The following SPATA9 variants were observed in gnomAD, a reference collection of about 807,000 sequenced individuals.
The protein encoded by SPATA9 is spermatogenesis associated 9.
In SPATA9, 27 loss-of-function variants were observed where a neutral mutation model predicts 25.5. That is an observed-to-expected ratio of 1.06 (90% CI 0.78 to 1.46). The LOEUF (loss-of-function observed/expected upper bound fraction) is 1.46. Among genes scored for constraint, SPATA9 ranks in the 40% most tolerant of loss-of-function variants. SPATA9 has a pLI of 0.00. For missense variants in SPATA9, 282 were observed against 297.5 expected, an observed-to-expected ratio of 0.95 and a Z score of 0.38; for synonymous variants, 102 against 105.7, an observed-to-expected ratio of 0.97 and a Z score of 0.21.
chr5:95,729,224 G>A, the SPATA9 span, among the ~76,000 whole-genome samples: 3 of 151,942 alleles, frequency 2.0e-5, no homozygotes, highest in Non-Finnish European at 4.4e-5. Flanking sequence ...TGAATTCTTC[G>A]CTGGAGGTCC....
At chr5:95,655,211 T>G (rs1477044952), downstream of SPATA9, 1 of 152,256 alleles carries the variant, frequency 6.6e-6, no homozygotes, top group Non-Finnish European at 1.5e-5. Flanking sequence ...GAATCTTTGC[T>G]GACAGTTTTA....
At chr5:95,720,814 G>A in the SPATA9 span, among the ~76,000 whole-genome samples, 3 of 152,164 alleles carry the variant, frequency 2.0e-5, no homozygotes, top group African/African-American at 7.2e-5. Context: ...AATATGACAA[G>A]CATTCTAGTA....
At position 95,682,810 on chromosome 5, in the gene SPATA9, C is replaced by A. The variant is rs752365649; in HGVS notation, c.45G>T (p.Lys15Asn). 1.4e-5 allele frequency: 21 copies of A among 1,549,134 alleles called. 1 individual carries two copies. In the Middle Eastern group the frequency reaches 1.0e-3, roughly 77 times the overall value. ...PVGWICGQVL[K>N]NFSGRIEGIQ... ...TGTGTATACTTCTTCCAGAAAAGTTCTTCAACACCTGCCCACATATCCACC... is the reference window on the plus strand; with the variant it reads ...TGTGTATACTTCTTCCAGAAAAGTTATTCAACACCTGCCCACATATCCACC... Residue 15 changes from lysine (K) to asparagine (N), a missense_variant, in exon 1 of 5, where the codon AAG becomes AAT. Coordinates refer to ENST00000274432, the MANE Select transcript of SPATA9 (RefSeq NM_031952.4).
At chr5:95,730,615 G>C in the SPATA9 span, among the ~76,000 whole-genome samples, 1 of 152,100 alleles carries the variant, frequency 6.6e-6, no homozygotes, top group Non-Finnish European at 1.5e-5. Context: ...AAGTAAACTG[G>C]CATTTAACTT....
At chr5:95,687,633 T>C (rs1561418186), upstream of SPATA9, among the ~76,000 whole-genome samples, 1 of 152,182 alleles carries the variant, frequency 6.6e-6, no homozygotes, top group Non-Finnish European at 1.5e-5. Context: ...GTACCATTAA[T>C]AAGGAGCAGG....
intron 2 of SPATA9, among the ~76,000 whole-genome samples, chr5:95,678,595 G>A (rs536963823): frequency 5.9e-5 from 9 of 152,032 alleles, no homozygotes; most frequent in Non-Finnish European, 1.0e-4. Context: ...TGGGTGGCGC[G>A]GGGGAGGGGA....
At chr5:95,687,816 A>G (rs1753785500), upstream of SPATA9, among the ~76,000 whole-genome samples, 1 of 152,226 alleles carries the variant, frequency 6.6e-6, no homozygotes, top group Admixed American at 6.5e-5. Context: ...TTCCCCTATC[A>G]GATTATAAGT....
chr5:95,678,331 T>A (rs1003014323), intron 2 of SPATA9, among the ~76,000 whole-genome samples: 4 of 152,154 alleles, frequency 2.6e-5, no homozygotes, highest in Non-Finnish European at 5.9e-5. Context: ...GAGTGGAGAT[T>A]GCGCTATTGT....
the SPATA9 span, among the ~76,000 whole-genome samples, chr5:95,710,091 G>A: frequency 6.6e-6 from 1 of 152,134 alleles, no homozygotes; most frequent in Non-Finnish European, 1.5e-5. Context: ...TTGCGCTGAG[G>A]TGTTTGCTTG....
At chr5:95,703,642 A>G (rs1754227193), upstream of SPATA9, among the ~76,000 whole-genome samples, 1 of 151,242 alleles carries the variant, frequency 6.6e-6, no homozygotes, top group Admixed American at 6.6e-5. Context: ...CTCAAAAAAA[A>G]GTAAAAAAAA....
the SPATA9 span, among the ~76,000 whole-genome samples, chr5:95,722,639 G>A: frequency 6.6e-6 from 1 of 152,096 alleles, no homozygotes; most frequent in South Asian, 2.1e-4. Context: ...ACAGGCTCCC[G>A]CCACCATGCC....
intron 2 of SPATA9, among the ~76,000 whole-genome samples, chr5:95,677,878 T>A (rs1753092738): frequency 6.6e-6 from 1 of 152,248 alleles, no homozygotes; most frequent in Non-Finnish European, 1.5e-5. Context: ...TAAAATTTTT[T>A]AGATACCCAA....
chr5:95,706,900 T>A, the SPATA9 span, among the ~76,000 whole-genome samples: 1 of 152,158 alleles, frequency 6.6e-6, no homozygotes, highest in South Asian at 2.1e-4. Context: ...ATATTTTGAC[T>A]TTAATATTAA....
intron 2 of SPATA9, among the ~76,000 whole-genome samples, chr5:95,681,601 C>T (rs879692022): frequency 2.1e-4 from 32 of 152,144 alleles, no homozygotes; most frequent in Admixed American, 8.5e-4. Context: ...GAAAGGATCA[C>T]GTCGTGTTTA....
At chr5:95,680,033 G>A (rs1753300760) in intron 2 of SPATA9, among the ~76,000 whole-genome samples, 1 of 152,208 alleles carries the variant, frequency 6.6e-6, no homozygotes, top group South Asian at 2.1e-4. Flanking sequence ...GAGGAGCTGG[G>A]ACTACAGGCG....
chr5:95,706,631 A>G, the SPATA9 span, among the ~76,000 whole-genome samples: 4 of 152,080 alleles, frequency 2.6e-5, no homozygotes, highest in Non-Finnish European at 4.4e-5. Context: ...TCTCCTTTAC[A>G]TCAGACAGGT....
At chr5:95,664,644 T>C (rs1037727728) in intron 3 of SPATA9, among the ~76,000 whole-genome samples, 1 of 152,190 alleles carries the variant, frequency 6.6e-6, no homozygotes, top group African/African-American at 2.4e-5. Context: ...TGTACCGGCC[T>C]GAAACATATC....
At chr5:95,720,889 A>G in the SPATA9 span, among the ~76,000 whole-genome samples, 1 of 152,226 alleles carries the variant, frequency 6.6e-6, no homozygotes, top group Non-Finnish European at 1.5e-5. Context: ...TTGTTCAACA[A>G]AATGTCATTT....
At chr5:95,688,793 C>T (rs1469602124) in intron 1 of SPATA9, among the ~76,000 whole-genome samples, 1 of 151,950 alleles carries the variant, frequency 6.6e-6, no homozygotes, top group Admixed American at 6.6e-5. Flanking sequence ...GTAATGATTG[C>T]ACTCATAGCT....
Sources: allele counts gnomAD v4.1 joint callset (sites outside exome capture counted in the v4.1 genomes callset), GRCh38; gene constraint gnomAD v4.1.1; transcripts MANE v1.5; gene names NCBI Gene and HGNC (gene_info 2026-07-23, HGNC 2026-07-21).